The following DNAJA1 variants were observed in gnomAD, a reference collection of about 807,000 sequenced individuals.
DNAJA1 encodes dnaJ homolog subfamily A member 1.
A neutral mutation model predicts 47.6 loss-of-function variants in DNAJA1; 26 were observed. That is an observed-to-expected ratio of 0.55 (90% confidence interval 0.40 to 0.76). The LOEUF (loss-of-function observed/expected upper bound fraction) is 0.76. Among genes scored for constraint, DNAJA1 ranks in the 30% least tolerant of loss-of-function variants. The probability of loss-of-function intolerance (pLI) is 0.00; values close to 1 mark genes in which losing one functional copy is unlikely to be tolerated. For missense variants in DNAJA1, 315 were observed against 485.0 expected (o/e 0.65, Z 3.29); for synonymous variants, 165 against 158.4 (o/e 1.04, Z -0.31).
chr9:33,030,323 A>T (rs1207779104), intron 4 of DNAJA1, 117 bp from the exon 5 acceptor site: 7 of 936,262 alleles, frequency 7.5e-6, no homozygotes, highest in Non-Finnish European at 1.1e-5. Flanking sequence ...AGAGGGTAGC[A>T]TTCCATCAGG....
chr9:33,028,982 G>A (rs1470328750), intron 3 of DNAJA1, among the ~76,000 whole-genome samples: 2 of 152,210 alleles, frequency 1.3e-5, no homozygotes, highest in African/African-American at 2.4e-5. Context: ...ATAAGTCCTT[G>A]TGGAAGGACC....
chr9:33,026,138 T>C (rs1278978747), intron 1 of DNAJA1, among the ~76,000 whole-genome samples: 1 of 152,208 alleles, frequency 6.6e-6, no homozygotes, highest in African/African-American at 2.4e-5. Flanking sequence ...ACTGAACATA[T>C]CAGTGCTTCT....
At chr9:33,027,019 A>G (rs768664488) in intron 3 of DNAJA1, 29 bp downstream of exon 3, 2 of 1,613,074 alleles carry the variant, frequency 1.2e-6, no homozygotes, top group African/African-American at 1.3e-5. Flanking sequence ...TTGTGCAGCT[A>G]ACTAAAGTTA....
chr9:33,039,599 C>T lies in DNAJA1; in HGVS notation c.*696C>T, dbSNP rs1382060895. 1 of 145,484 alleles carries T rather than the reference C, an allele frequency of 6.9e-6. No individual in the cohort carries two copies. Among genetic ancestry groups the T allele is most frequent in the East Asian group, 2.0e-4 (1 of 5,116 alleles). The allele number at this position is 145,484 out of a possible 1,614,324, so 9.0% of individuals were successfully genotyped here. A position where few individuals can be genotyped will look rare whatever the true frequency, so the allele number is the denominator to read the frequency against. On this transcript the variant is annotated 3_prime_UTR_variant, in exon 9 of 9. Transcript: ENST00000330899. Reference sequence around the variant, plus strand: ...CCTGGTCATTTGCTCCCCTCCTTGTCTGTGGACCATGATAAGCCCAAGTAG... The same window carrying T: ...CCTGGTCATTTGCTCCCCTCCTTGTTTGTGGACCATGATAAGCCCAAGTAG...
chr9:33,033,697 G>T (rs1775420630), intron 5 of DNAJA1, among the ~76,000 whole-genome samples: 1 of 152,096 alleles, frequency 6.6e-6, no homozygotes, highest in South Asian at 2.1e-4. Flanking sequence ...CTCAAGAGAA[G>T]ATTATAGATT....
intron 5 of DNAJA1, among the ~76,000 whole-genome samples, chr9:33,032,513 T>C (rs1427035516): frequency 2.0e-5 from 3 of 152,222 alleles, no homozygotes. Flanking sequence ...AAAATTGGTC[T>C]TGTTATGTGT....
At chr9:33,034,784 A>G (rs1365708943) in intron 6 of DNAJA1, among the ~76,000 whole-genome samples, 3 of 152,364 alleles carry the variant, frequency 2.0e-5, no homozygotes, top group African/African-American at 7.2e-5. Context: ...TTTGAGCTAA[A>G]TAATGAGTAT....
intron 1 of DNAJA1, among the ~76,000 whole-genome samples, chr9:33,025,585 C>T (rs982084803): frequency 6.6e-6 from 1 of 152,132 alleles, no homozygotes; most frequent in Non-Finnish European, 1.5e-5. Flanking sequence ...GGCCCGAGAC[C>T]TTTCCTAGAC....
chr9:33,037,368 C>T (rs553023966), intron 8 of DNAJA1: 9 of 301,926 alleles, frequency 3.0e-5, no homozygotes, highest in South Asian at 1.4e-4. Flanking sequence ...CTGAAACTTA[C>T]ATTTTTCCAC....
chr9:33,031,940 T>G (rs1211262666), intron 5 of DNAJA1, among the ~76,000 whole-genome samples: 6 of 152,222 alleles, frequency 3.9e-5, no homozygotes, highest in Non-Finnish European at 8.8e-5. Flanking sequence ...ATTTTTAAAT[T>G]TTACTCTTGT....
intron 5 of DNAJA1, 74 bp from the exon 6 acceptor site, chr9:33,034,142 C>A (rs1228930393): frequency 1.4e-5 from 14 of 1,032,068 alleles, no homozygotes; most frequent in Non-Finnish European, 1.8e-5. Flanking sequence ...AAACAAACAT[C>A]TATGTATAGA....
chr9:33,036,936 C>T, intron 7 of DNAJA1, 79 bp from the exon 8 acceptor site: 5 of 1,285,390 alleles, frequency 3.9e-6, no homozygotes, highest in Non-Finnish European at 3.3e-6. Context: ...TGAGCTAGGA[C>T]AGTGCTCTGT....
At chr9:33,033,098 G>C (rs1051951402) in intron 5 of DNAJA1, among the ~76,000 whole-genome samples, 4 of 151,578 alleles carry the variant, frequency 2.6e-5, no homozygotes, top group Non-Finnish European at 4.4e-5. Context: ...TGTTCTAAGA[G>C]ACGTTGCCCA....
chr9:33,030,796 G>A, intron 5 of DNAJA1, 129 bp downstream of exon 5: 1 of 808,992 alleles, frequency 1.2e-6, no homozygotes, highest in East Asian at 2.7e-5. Context: ...ATAACTCTTA[G>A]CAGCTTAGTA....
rs762223116 is a variant in DNAJA1 at position 33,030,041 on chromosome 9, G to C, written c.415+52G>C. ...TTTTGTTTTTAAGCACCTTTAATAT[G>C]ACACCTGAAAATGGAGCTAAGACTT... is the stretch of plus-strand genomic sequence containing the variant. On this transcript the variant is annotated intron_variant, in intron 4 of 8. Coordinates refer to ENST00000330899, the MANE Select transcript of DNAJA1 (RefSeq NM_001539.4). 6.0e-6 allele frequency: 9 copies of C among 1,507,808 alleles called. 2 individuals carry two copies. The Admixed American group carries it at 1.4e-4, about 24-fold the overall frequency. The allele number at this position is 1,507,808 out of a possible 1,614,324, so 93.4% of individuals were successfully genotyped here.
At position 33,039,652 on chromosome 9, in the gene DNAJA1, A is replaced by G. The variant is rs1355865850; in HGVS notation, c.*749A>G. The G allele has an allele frequency of 6.6e-6, 1 of 151,154 alleles. No individual in the cohort carries two copies. The highest frequency in any genetic ancestry group is 2.4e-5 in the African/African-American group (1 of 41,258). The allele number at this position is 151,154 out of a possible 1,614,324, so 9.4% of individuals were successfully genotyped here. ...ACTTCAGAGCTGGGTAACAGAAATTAAAGTGAAAAGACCTTTACGTGGAGA... is the reference window on the plus strand; with the variant it reads ...ACTTCAGAGCTGGGTAACAGAAATTGAAGTGAAAAGACCTTTACGTGGAGA... On this transcript the variant is annotated 3_prime_UTR_variant, in exon 9 of 9. Transcript: ENST00000330899.
At chr9:33,035,056 T>A (rs367642675) in intron 6 of DNAJA1, among the ~76,000 whole-genome samples, 33 of 148,264 alleles carry the variant, frequency 2.2e-4, no homozygotes, top group Admixed American at 1.2e-3. Context: ...TTTTTTTTTT[T>A]AATGGAGTGG....
Position 33,038,555 on chromosome 9 carries a change from C to G in DNAJA1, c.976-130C>G, listed in dbSNP as rs1587701715. The G allele has an allele frequency of 7.5e-6, 6 of 796,024 alleles. No homozygotes were observed. The East Asian group carries it at 1.6e-4, about 21-fold the overall frequency. 49.3% of individuals were successfully genotyped at this position (796,024 alleles called of 1,614,324 possible). ...GCACTGTGCCTTTTTAGAGCCTGTTCTAACCTGAGATTGGCAGATTCACCT... is the reference window on the plus strand; with the variant it reads ...GCACTGTGCCTTTTTAGAGCCTGTTGTAACCTGAGATTGGCAGATTCACCT... On this transcript the variant is annotated intron_variant, in intron 8 of 8. Coordinates refer to ENST00000330899, the MANE Select transcript of DNAJA1 (RefSeq NM_001539.4).
intron 1 of DNAJA1, among the ~76,000 whole-genome samples, chr9:33,026,040 C>T (rs567438539): frequency 1.3e-5 from 2 of 152,224 alleles, no homozygotes; most frequent in Admixed American, 1.3e-4. Flanking sequence ...CACTCCCCCC[C>T]ACCACTGTGT....
Sources: gnomAD v4.1 joint callset for allele counts (sites outside exome capture counted in the v4.1 genomes callset) on GRCh38, gnomAD v4.1.1 for gene constraint, MANE v1.5 for transcripts, NCBI Gene and HGNC (gene_info 2026-07-23, HGNC 2026-07-21) for gene names.